COL24A1: variants seen among roughly 807,000 people sequenced by gnomAD.
COL24A1 encodes the protein collagen type XXIV alpha 1 chain.
A neutral mutation model predicts 253.9 loss-of-function variants in COL24A1; 224 were observed. That is an observed-to-expected ratio of 0.88 (90% CI 0.79 to 0.99). The LOEUF (loss-of-function observed/expected upper bound fraction) is 0.99, where lower values mean the gene tolerates loss of function less well. COL24A1 is among the 50% of genes least tolerant of loss of function. The probability of loss-of-function intolerance (pLI) is 0.00; values close to 1 mark genes in which losing one functional copy is unlikely to be tolerated. For synonymous variants in COL24A1, 685 were observed against 673.7 expected (o/e 1.02, Z -0.26); for missense variants, 2,131 against 2,068.5 (o/e 1.03, Z -0.59).
At chr1:86,045,620 G>A (rs1699842580) in intron 12 of COL24A1, among the ~76,000 whole-genome samples, 1 of 151,982 alleles carries the variant, frequency 6.6e-6, no homozygotes, top group Non-Finnish European at 1.5e-5. Flanking sequence ...AAATGAGATG[G>A]CATACAAAAT....
At chr1:85,882,934 A>G (rs886361762) in intron 32 of COL24A1, among the ~76,000 whole-genome samples, 1 of 152,156 alleles carries the variant, frequency 6.6e-6, no homozygotes, top group African/African-American at 2.4e-5. Context: ...TCCTTTGAAT[A>G]GCGTTAGCAT....
At chr1:85,965,341 A>T (rs1156320873) in intron 22 of COL24A1, among the ~76,000 whole-genome samples, 1 of 151,998 alleles carries the variant, frequency 6.6e-6, no homozygotes, top group African/African-American at 2.4e-5. Context: ...ACAATGTTTT[A>T]AAAAATAAGT....
intron 59 of COL24A1, among the ~76,000 whole-genome samples, chr1:85,731,628 T>C (rs1405144776): frequency 6.6e-6 from 1 of 152,222 alleles, no homozygotes; most frequent in Non-Finnish European, 1.5e-5. Context: ...TAACACTTAG[T>C]GTTCTTATAG....
intron 20 of COL24A1, among the ~76,000 whole-genome samples, chr1:85,975,657 T>C (rs752941169): frequency 4.6e-5 from 7 of 152,144 alleles, no homozygotes; most frequent in Admixed American, 6.6e-5. Context: ...CAGAACAGTG[T>C]ATGGAGACTC....
At chr1:85,744,403 G>T (rs1477278123) in intron 57 of COL24A1, among the ~76,000 whole-genome samples, 1 of 151,938 alleles carries the variant, frequency 6.6e-6, no homozygotes, top group Non-Finnish European at 1.5e-5. Context: ...TTAATGCAAA[G>T]GTCAGGCCTA....
At chr1:85,781,294 C>A in intron 51 of COL24A1, 21 bp from the exon 52 acceptor site, 1 of 1,560,370 alleles carries the variant, frequency 6.4e-7, no homozygotes, top group Non-Finnish European at 8.7e-7. Flanking sequence ...AAAAGAAAAA[C>A]AGTCTCACTG....
intron 37 of COL24A1, among the ~76,000 whole-genome samples, chr1:85,858,966 C>T (rs1055724190): frequency 3.3e-5 from 5 of 151,944 alleles, no homozygotes; most frequent in Non-Finnish European, 5.9e-5. Flanking sequence ...TTGAACTCCA[C>T]GGCCCAAGTG....
At chr1:85,865,457 G>A (rs557200833) in intron 37 of COL24A1, among the ~76,000 whole-genome samples, 83 of 152,220 alleles carry the variant, frequency 5.5e-4, no homozygotes, top group African/African-American at 1.9e-3. Flanking sequence ...CCAAAGATGT[G>A]TACTAGGCAT....
chr1:85,997,055 G>GTATATATATATATATATATATATATATA (rs59071699), intron 19 of COL24A1, among the ~76,000 whole-genome samples: 5 of 95,076 alleles, frequency 5.3e-5, no homozygotes, highest in Non-Finnish European at 9.8e-5. Context: ...GTGTGTGTGT[G>GTATATATATATATATATATATATATATA]TATATATATA....
intron 19 of COL24A1, among the ~76,000 whole-genome samples, chr1:85,989,621 T>C (rs1293799389): frequency 1.3e-5 from 2 of 152,158 alleles, no homozygotes; most frequent in Non-Finnish European, 2.9e-5. Context: ...AGAATCCAAA[T>C]TCTTTAATAC....
At chr1:85,976,076 G>T (rs1040434146) in intron 20 of COL24A1, among the ~76,000 whole-genome samples, 1 of 152,170 alleles carries the variant, frequency 6.6e-6, no homozygotes, top group Admixed American at 6.5e-5. Context: ...GATTCCAACT[G>T]AACTTTGTAA....
intron 7 of COL24A1, among the ~76,000 whole-genome samples, chr1:86,087,034 G>A (rs1228866364): frequency 6.6e-6 from 1 of 152,100 alleles, no homozygotes; most frequent in African/African-American, 2.4e-5. Flanking sequence ...CAGAAAGTAA[G>A]TCACTTTCTA....
chr1:86,089,307 A>G (rs1006718505), intron 6 of COL24A1, 80 bp from the exon 7 acceptor site: 38 of 1,129,196 alleles, frequency 3.4e-5, no homozygotes, highest in Non-Finnish European at 4.4e-5. Context: ...AGCTCCTTTT[A>G]ATTTTGGACA....
Position 86,125,679 on chromosome 1 carries a change from T to A in COL24A1, c.657A>T (p.Val219=). ...CAGAAGGAATAATATCTAACTGACA[T>A]ACTATTCCTTCAAAATGGATAGAAT... ...NNNSIHFEGI[V]CQLDIIPSAE... is the part of the protein sequence containing the mutation. Residue 219 remains valine, a synonymous_variant, in exon 3 of 60, where the codon GTA becomes GTT. Coordinates refer to ENST00000370571, the MANE Select transcript of COL24A1 (RefSeq NM_152890.7). The A allele has an allele frequency of 6.2e-7, 1 of 1,611,494 alleles. No homozygotes were observed.
At chr1:85,784,879 C>T (rs2101601727) in intron 48 of COL24A1, among the ~76,000 whole-genome samples, 1 of 152,026 alleles carries the variant, frequency 6.6e-6, no homozygotes, top group South Asian at 2.1e-4. Flanking sequence ...TACAGGCACA[C>T]ATCATTGCAC....
intron 45 of COL24A1, among the ~76,000 whole-genome samples, chr1:85,820,046 C>T (rs529491426): frequency 6.6e-6 from 1 of 152,206 alleles, no homozygotes; most frequent in African/African-American, 2.4e-5. Flanking sequence ...CGGAGTTTCA[C>T]CATGTTGGCC....
In COL24A1 at chr1:85,734,868, T is replaced by C. The variant is rs1211892085; in HGVS notation, c.4879A>G (p.Arg1627Gly). 4.3e-6 allele frequency: 7 copies of C among 1,614,090 alleles called. No homozygotes were observed. Among genetic ancestry groups the C allele is most frequent in the Admixed American group, 1.7e-5 (1 of 60,010 alleles). Residue 1627 changes from arginine (R) to glycine (G), a missense_variant, in exon 59 of 60, where the codon AGG (arginine) becomes GGG (glycine). Physicochemically the swap from Arg to Gly is moderately radical, Grantham distance 125 (BLOSUM62 -2). Transcript: ENST00000370571. ...CCACTTGTTTGTGTGCTTGTCCACC[T>C]TGGGGTGTTTAGACAGTGAATGGTG... ...IITIHCLNTP[R>G]WTSTQTSGPG...
chr1:85,998,148 C>T (rs1695032690), intron 19 of COL24A1, among the ~76,000 whole-genome samples: 1 of 152,116 alleles, frequency 6.6e-6, no homozygotes, highest in African/African-American at 2.4e-5. Context: ...AAACATTGAA[C>T]TATTTGCAGT....
chr1:86,017,312 T>C (rs1287593590), intron 18 of COL24A1, 108 bp from the exon 19 acceptor site: 3 of 983,346 alleles, frequency 3.1e-6, no homozygotes, highest in Non-Finnish European at 4.4e-6. Flanking sequence ...TATATTATCA[T>C]GTCAAACAAG....
Sources: gnomAD v4.1 joint callset for allele counts (sites outside exome capture counted in the v4.1 genomes callset) on GRCh38, gnomAD v4.1.1 for gene constraint, MANE v1.5 for transcripts, NCBI Gene and HGNC (gene_info 2026-07-23, HGNC 2026-07-21) for gene names.